The following CCDC82 variants were observed in gnomAD, a reference collection of about 807,000 sequenced individuals.
CCDC82 encodes coiled-coil domain containing 82, also known as coiled-coil domain-containing protein 82.
In CCDC82, 47 loss-of-function variants were observed where a neutral mutation model predicts 60.6. That is an observed-to-expected ratio of 0.77 (90% confidence interval 0.61 to 0.99). CCDC82 has a LOEUF of 0.99. CCDC82 is among the 50% of genes least tolerant of loss of function. CCDC82 has a pLI of 0.00. For synonymous variants in CCDC82, 212 were observed against 207.4 expected (o/e 1.02, Z -0.19); for missense variants, 588 against 633.0 (o/e 0.93, Z 0.76).
chr11:96,364,803 A>G, intron 8 of CCDC82, 177 bp downstream of exon 8: 1 of 532,904 alleles, frequency 1.9e-6, no homozygotes, highest in Non-Finnish European at 3.3e-6. Flanking sequence ...TGTTTTTTGA[A>G]TTCTCTCCTA....
At chr11:96,377,578 C>T (rs74565293) in intron 5 of CCDC82, among the ~76,000 whole-genome samples, 1,891 of 152,196 alleles carry the variant, frequency 0.012, 29 homozygotes, top group African/African-American at 0.041. Flanking sequence ...AATTTTTTAA[C>T]AACTGCTTTT....
chr11:96,364,527 C>T (rs2136101012), intron 8 of CCDC82: 1 of 152,594 alleles, frequency 6.6e-6, no homozygotes, highest in South Asian at 2.1e-4. Flanking sequence ...GTAGACTTAC[C>T]AGAAAAAGCG....
chr11:96,385,564 T>C (rs921518446), intron 3 of CCDC82: 3 of 152,192 alleles, frequency 2.0e-5, no homozygotes, highest in Non-Finnish European at 4.4e-5. Flanking sequence ...AGCCTCTTTA[T>C]ACCTTAGTAA....
chr11:96,384,170 T>A lies in CCDC82; in HGVS notation c.578A>T (p.Asp193Val), dbSNP rs1284777020. ...KRLSSVMCDSDESDDSDILVR... is the reference protein window; with the variant it reads ...KRLSSVMCDSVESDDSDILVR... ...TAGGATATCGCTGTCATCACTCTCA[T>A]CACTGTCACACATCACAGAGGATAG... Residue 193 changes from aspartate (D) to valine (V), a missense_variant, in exon 4 of 10, where the codon GAT becomes GTT. Asp to Val is a radical substitution (Grantham distance 152, BLOSUM62 -3). Coordinates refer to ENST00000646818, the MANE Select transcript of CCDC82 (RefSeq NM_024725.4). The A allele has an allele frequency of 6.2e-7, 1 of 1,613,888 alleles. No individual in the cohort carries two copies. The highest frequency in any genetic ancestry group is 8.5e-7 in the Non-Finnish European group (1 of 1,179,820).
At chr11:96,358,515 C>T in intron 9 of CCDC82, 1 of 1,233,158 alleles carries the variant, frequency 8.1e-7, no homozygotes, top group Non-Finnish European at 1.0e-6. Flanking sequence ...CTGCTCAGTC[C>T]CATGTCCTCA....
intron 6 of CCDC82, among the ~76,000 whole-genome samples, chr11:96,371,412 C>A (rs1381647525): frequency 6.6e-6 from 1 of 152,090 alleles, no homozygotes; most frequent in African/African-American, 2.4e-5. Context: ...GAAACCCCAT[C>A]TCTACTAAAA....
intron 9 of CCDC82, chr11:96,357,749 G>A (rs1591159148): frequency 1.0e-6 from 1 of 985,346 alleles, no homozygotes; most frequent in African/African-American, 1.7e-5. Flanking sequence ...ATCAATAAAA[G>A]CACTTAAGAA....
intron 5 of CCDC82, among the ~76,000 whole-genome samples, chr11:96,376,461 CTT>C (rs1315915841): frequency 2.0e-5 from 3 of 146,676 alleles, no homozygotes; most frequent in African/African-American, 7.6e-5. Context: ...GAGTCTTACT[CTT>C]GTCACCCAGG....
At chr11:96,378,781 A>G (rs912888795) in intron 5 of CCDC82, among the ~76,000 whole-genome samples, 1 of 151,934 alleles carries the variant, frequency 6.6e-6, no homozygotes, top group African/African-American at 2.4e-5. Context: ...GACCACTGCT[A>G]TTTTGTCCCT....
chr11:96,368,293 A>C (rs937806568), intron 7 of CCDC82, among the ~76,000 whole-genome samples: 3 of 152,134 alleles, frequency 2.0e-5, no homozygotes, highest in Non-Finnish European at 4.4e-5. Context: ...TTTTGAAAAG[A>C]ATCTTTTTTT....
intron 9 of CCDC82, chr11:96,357,150 A>G: frequency 1.0e-6 from 1 of 985,458 alleles, no homozygotes; most frequent in Non-Finnish European, 1.2e-6. Flanking sequence ...TGAGGATGGG[A>G]AATGTCAGAG....
intron 2 of CCDC82, 101 bp from the exon 3 acceptor site, chr11:96,386,394 T>C (rs1357701229): frequency 6.6e-6 from 1 of 152,216 alleles, no homozygotes; most frequent in East Asian, 1.9e-4. Context: ...ACACCTCATG[T>C]AAAATCAGAA....
intron 7 of CCDC82, among the ~76,000 whole-genome samples, chr11:96,367,227 T>C (rs980990591): frequency 3.9e-5 from 6 of 152,228 alleles, no homozygotes; most frequent in East Asian, 1.9e-4. Flanking sequence ...ATAAAGTTTG[T>C]TGCATCCACT....
chr11:96,364,775 A>T, intron 8 of CCDC82: 1 of 476,952 alleles, frequency 2.1e-6, no homozygotes, highest in East Asian at 3.9e-5. Context: ...CTTCTAACAG[A>T]GTCTAGTTGA....
At chr11:96,357,919 G>C in intron 9 of CCDC82, 2 of 985,342 alleles carry the variant, frequency 2.0e-6, no homozygotes, top group Non-Finnish European at 2.4e-6. Flanking sequence ...ATGAGAGAAA[G>C]ACTTAAGGAT....
chr11:96,362,784 A>G (rs1020948124), intron 8 of CCDC82, among the ~76,000 whole-genome samples: 9 of 152,140 alleles, frequency 5.9e-5, no homozygotes, highest in Admixed American at 5.9e-4. Context: ...AAAGGAGAAA[A>G]GTTTTCTTAT....
intron 9 of CCDC82, chr11:96,357,143 G>A (rs1864388785): frequency 3.0e-6 from 3 of 985,340 alleles, no homozygotes; most frequent in South Asian, 4.7e-5. Flanking sequence ...GACAGAGTGA[G>A]GATGGGAAAT....
chr11:96,382,717 T>G (rs1485555859), intron 5 of CCDC82: 1 of 151,900 alleles, frequency 6.6e-6, no homozygotes, highest in African/African-American at 2.4e-5. Flanking sequence ...AACAATTATT[T>G]TTAAAATACT....
In CCDC82 at chr11:96,384,312, C is replaced by CCAA; in HGVS notation, c.435_436insTTG (p.Ile145_Glu146insLeu). On this transcript the variant is annotated inframe_insertion, in exon 4 of 10. Coordinates refer to ENST00000646818, the MANE Select transcript of CCDC82 (RefSeq NM_024725.4). Reference sequence around the variant, plus strand: ...CTTAAATGTTTTTCCTGATCATCCTCTATTATTTGTCCAGTTTGTTTGTTG... The same window carrying CCAA: ...CTTAAATGTTTTTCCTGATCATCCTCCAATATTATTTGTCCAGTTTGTTTGTTG... The CCAA allele has an allele frequency of 1.2e-6, 2 of 1,613,586 alleles. No homozygotes were observed. Among genetic ancestry groups the CCAA allele is most frequent in the Middle Eastern group, 1.7e-4 (1 of 6,058 alleles).
Sources: gnomAD v4.1 joint callset for allele counts (sites outside exome capture counted in the v4.1 genomes callset) on GRCh38, gnomAD v4.1.1 for gene constraint, MANE v1.5 for transcripts, NCBI Gene and HGNC (gene_info 2026-07-23, HGNC 2026-07-21) for gene names.